SLC1A2: variants seen among roughly 807,000 people sequenced by gnomAD.
SLC1A2 encodes excitatory amino acid transporter 2.
A neutral mutation model predicts 48.8 loss-of-function variants in SLC1A2; 15 were observed. The ratio of observed to expected loss-of-function variants is 0.31; its 90% CI spans 0.21 to 0.47. The LOEUF is 0.47. SLC1A2 is among the 20% of genes least tolerant of loss of function. SLC1A2 has a pLI of 0.99. For missense variants in SLC1A2, 502 were observed against 730.5 expected (o/e 0.69, Z 3.61); for synonymous variants, 279 against 272.6 (o/e 1.02, Z -0.23).
chr11:35,377,603 C>G (rs1854283582), intron 1 of SLC1A2, among the ~76,000 whole-genome samples: 1 of 152,194 alleles, frequency 6.6e-6, no homozygotes, highest in Non-Finnish European at 1.5e-5. Flanking sequence ...TGGCCGAGGT[C>G]TGTGCTCTCT....
chr11:35,347,974 C>T (rs1853101089), intron 1 of SLC1A2, among the ~76,000 whole-genome samples: 1 of 152,224 alleles, frequency 6.6e-6, no homozygotes. Flanking sequence ...GAAGGGACCT[C>T]TTCCTCTGAA....
At chr11:35,330,508 T>C (rs1852392833) in intron 1 of SLC1A2, among the ~76,000 whole-genome samples, 1 of 152,188 alleles carries the variant, frequency 6.6e-6, no homozygotes, top group African/African-American at 2.4e-5. Flanking sequence ...AATGTCCATG[T>C]CCTAATCCCC....
intron 6 of SLC1A2, among the ~76,000 whole-genome samples, chr11:35,297,355 A>G (rs1368558701): frequency 6.6e-6 from 1 of 152,048 alleles, no homozygotes; most frequent in Non-Finnish European, 1.5e-5. Context: ...CTCCATGGCT[A>G]TAAATTCCCA....
In SLC1A2 at chr11:35,281,117, C is replaced by G. The variant is rs988328632; in HGVS notation, c.1287-116G>C. The G allele has an allele frequency of 5.9e-6, 8 of 1,365,110 alleles. No homozygotes were observed. In the South Asian group the frequency reaches 6.3e-5, roughly 11 times the overall value. The allele number at this position is 1,365,110 out of a possible 1,614,324, so 84.6% of individuals were successfully genotyped here. On this transcript the variant is annotated intron_variant, in intron 8 of 10. Coordinates refer to ENST00000278379, the MANE Select transcript of SLC1A2 (RefSeq NM_004171.4). ...CATAAAATTCATCCCCCAACCCCCA[C>G]CCCATACTCTCCACCAAGGAATAGA... is the stretch of plus-strand genomic sequence containing the variant.
At chr11:35,277,753 G>A (rs1850487729) in intron 9 of SLC1A2, among the ~76,000 whole-genome samples, 1 of 148,404 alleles carries the variant, frequency 6.7e-6, no homozygotes, top group African/African-American at 2.5e-5. Context: ...GAACTTAAAT[G>A]GCTTCCTTCG....
In SLC1A2 at chr11:35,268,063, G is replaced by T. The variant is rs545444486; in HGVS notation, c.1422-2305C>A. Among the ~76,000 whole-genome samples, 3 of 152,324 alleles carry T rather than the reference G, an allele frequency of 2.0e-5. No individual in the cohort carries two copies. The East Asian group carries it at 5.8e-4, about 29-fold the overall frequency. On this transcript the variant is annotated intron_variant, in intron 9 of 10. Coordinates refer to ENST00000278379, the MANE Select transcript of SLC1A2 (RefSeq NM_004171.4). ...GGAAGCCCTCAAAATCATCTTTGGA[G>T]AAAAGTACAGGCTACAGACTGTTTC...
At chr11:35,305,581 A>T (rs1851476497) in intron 5 of SLC1A2, among the ~76,000 whole-genome samples, 1 of 152,184 alleles carries the variant, frequency 6.6e-6, no homozygotes, top group Admixed American at 6.5e-5. Context: ...CAAGATAACA[A>T]GATAATCTGT....
At chr11:35,268,719 C>G (rs1161559664) in intron 9 of SLC1A2, among the ~76,000 whole-genome samples, 1 of 151,910 alleles carries the variant, frequency 6.6e-6, no homozygotes, top group Non-Finnish European at 1.5e-5. Context: ...ATAGATACTA[C>G]CTTATTAACC....
intron 1 of SLC1A2, among the ~76,000 whole-genome samples, chr11:35,401,213 T>TAAAAATGTGTCAGACTC (rs1855130799): frequency 6.6e-6 from 1 of 152,136 alleles, no homozygotes; most frequent in African/African-American, 2.4e-5. Flanking sequence ...TTATCAGACT[T>TAAAAATGTGTCAGACTC]AAAAATGTGT....
chr11:35,398,390 C>G (rs1188295027), intron 1 of SLC1A2, among the ~76,000 whole-genome samples: 1 of 152,138 alleles, frequency 6.6e-6, no homozygotes, highest in Non-Finnish European at 1.5e-5. Flanking sequence ...GGCCATTATC[C>G]TAAGCAACTT....
At chr11:35,267,774 GAA>G (rs11343973) in intron 9 of SLC1A2, among the ~76,000 whole-genome samples, 164 of 146,810 alleles carry the variant, frequency 1.1e-3, no homozygotes, top group African/African-American at 3.4e-3. Context: ...GTCAAATGGG[GAA>G]AAAAAAAAAA....
intron 10 of SLC1A2, among the ~76,000 whole-genome samples, chr11:35,262,319 A>G (rs1950406303): frequency 6.6e-6 from 1 of 152,148 alleles, no homozygotes; most frequent in African/African-American, 2.4e-5. Flanking sequence ...CTTGGGGGGA[A>G]GTGTTTTTGT....
Position 35,311,897 on chromosome 11 carries a change from G to GGAGAGAGAGAGAGA in SLC1A2, c.561+287_561+300dup, listed in dbSNP as rs1213084635. 2.1e-3 allele frequency among the ~76,000 whole-genome samples: 53 copies of GGAGAGAGAGAGAGA among 25,722 alleles called. 6 individuals carry two copies. Among genetic ancestry groups the GGAGAGAGAGAGAGA allele is most frequent in the African/African-American group, 3.4e-3 (24 of 7,068 alleles). 16.9% of individuals were successfully genotyped at this position (25,722 alleles called of 152,430 possible). The stretch of plus-strand genomic sequence containing the variant: ...GAGAGAGAGAGAGAGAGAGAGGGAG[G>GGAGAGAGAGAGAGA]GAGAGAGAGAGAGAGAGAGAGAGAG... On this transcript the variant is annotated intron_variant, in intron 4 of 10. Transcript: ENST00000278379.
At chr11:35,409,418 A>T (rs1035163133) in intron 1 of SLC1A2, among the ~76,000 whole-genome samples, 38 of 152,260 alleles carry the variant, frequency 2.5e-4, no homozygotes, top group African/African-American at 8.9e-4. Context: ...CAATATATTT[A>T]TTTATTATTC....
rs143397371 is a variant in SLC1A2, at chr11:35,261,252, C to G, written c.1654-287G>C. 1.8e-3 allele frequency among the ~76,000 whole-genome samples: 274 copies of G among 152,238 alleles called. 7 individuals carry two copies. In the East Asian group the frequency reaches 0.04, roughly 22 times the overall value. On this transcript the variant is annotated intron_variant, in intron 10 of 10. Coordinates refer to ENST00000278379, the MANE Select transcript of SLC1A2 (RefSeq NM_004171.4). ...TAGTGTTGTGGGGTGTCTAACTACC[C>G]AGAGATCCATCACACAATAACACAG...
intron 1 of SLC1A2, among the ~76,000 whole-genome samples, chr11:35,381,478 T>C (rs1464961381): frequency 6.6e-6 from 1 of 152,146 alleles, no homozygotes; most frequent in Non-Finnish European, 1.5e-5. Context: ...CTCTGTCTGC[T>C]GTATCCAAAG....
intron 1 of SLC1A2, among the ~76,000 whole-genome samples, chr11:35,415,838 C>G (rs76437184): frequency 6.6e-6 from 1 of 152,184 alleles, no homozygotes; most frequent in East Asian, 1.9e-4. Flanking sequence ...AGCCACCCCC[C>G]ACCTCCAAGA....
chr11:35,415,670 T>C (rs1216025889), intron 1 of SLC1A2, among the ~76,000 whole-genome samples: 2 of 152,242 alleles, frequency 1.3e-5, no homozygotes, highest in Non-Finnish European at 2.9e-5. Context: ...GGGGTCTCCC[T>C]TGCCAGGGTT....
intron 1 of SLC1A2, chr11:35,322,755 C>A: frequency 1.2e-6 from 1 of 822,154 alleles, no homozygotes; most frequent in Non-Finnish European, 2.0e-6. Context: ...GATAAGAATG[C>A]TGGAAATACC....
Sources: gnomAD v4.1 joint callset for allele counts (sites outside exome capture counted in the v4.1 genomes callset) on GRCh38, gnomAD v4.1.1 for gene constraint, MANE v1.5 for transcripts, NCBI Gene and HGNC (gene_info 2026-07-23, HGNC 2026-07-21) for gene names.